The following FLT4 variants were observed in gnomAD, a reference collection of about 807,000 sequenced individuals.
FLT4 encodes fms related receptor tyrosine kinase 4.
A neutral mutation model predicts 163.2 loss-of-function variants in FLT4; 30 were observed. That is an observed-to-expected ratio of 0.18 (90% confidence interval 0.14 to 0.25). The LOEUF (loss-of-function observed/expected upper bound fraction) is 0.25, where lower values mean the gene tolerates loss of function less well. Among genes scored for constraint, FLT4 ranks in the 10% least tolerant of loss-of-function variants. The pLI is 1.00. For synonymous variants in FLT4, 884 were observed against 789.5 expected, an observed-to-expected ratio of 1.12 and a Z score of -2.01; for missense variants, 1,510 against 1,863.8, an observed-to-expected ratio of 0.81 and a Z score of 3.50.
intron 26 of FLT4, among the ~76,000 whole-genome samples, chr5:180,611,904 A>G (rs1439615184): frequency 6.6e-6 from 1 of 152,108 alleles, no homozygotes; most frequent in African/African-American, 2.4e-5. Context: ...TCCCTCCTCC[A>G]GTCCCTAGCT....
chr5:180,643,482 A>G (rs1410808401), intron 1 of FLT4, among the ~76,000 whole-genome samples: 5 of 151,494 alleles, frequency 3.3e-5, no homozygotes, highest in African/African-American at 9.7e-5. Flanking sequence ...GCCAGCCTCA[A>G]TGGCTCTCCC....
chr5:180,627,227 G>T (rs565553931), intron 8 of FLT4, among the ~76,000 whole-genome samples: 2 of 152,198 alleles, frequency 1.3e-5, no homozygotes, highest in Non-Finnish European at 2.9e-5. Flanking sequence ...TCCTGGGAGA[G>T]GCACAGCCCT....
intron 1 of FLT4, among the ~76,000 whole-genome samples, chr5:180,649,080 G>A (rs1765623391): frequency 6.6e-6 from 1 of 151,778 alleles, no homozygotes. Context: ...GCCCGGCCGG[G>A]ATGGATCTCC....
Position 180,629,452 on chromosome 5 carries a change from C to A in FLT4, c.817-25G>T, listed in dbSNP as rs202119145. On this transcript the variant is annotated intron_variant, in intron 6 of 29. Transcript: ENST00000261937. ...CCTGCCCGCACCCAGGGAAGCCCCG[C>A]GTCAGCAGGCGGGCTCCTGCACAGC... is the stretch of plus-strand genomic sequence containing the variant. 1.9e-6 allele frequency: 3 copies of A among 1,608,524 alleles called. No homozygotes were observed. In the Admixed American group the frequency reaches 5.0e-5, roughly 27 times the overall value.
At position 180,630,040 on chromosome 5, in the gene FLT4, C is replaced by T. The variant is rs756771928; in HGVS notation, c.579G>A (p.Val193=). 2 of 1,612,786 alleles carry T rather than the reference C, an allele frequency of 1.2e-6. No homozygotes were observed. Among genetic ancestry groups the T allele is most frequent in the Non-Finnish European group, 1.7e-6 (2 of 1,180,004 alleles). ...VVWDDRRGML[V]STPLLHDALY... is the part of the protein sequence containing the mutation. ...GGGCATCGTGCAGCAGTGGCGTGGA[C>T]ACGAGCATGCCCCGCCGGTCATCCC... Residue 193 remains valine (V), a synonymous_variant, in exon 5 of 30, where the codon GTG becomes GTA. Coordinates refer to ENST00000261937, the MANE Select transcript of FLT4 (RefSeq NM_182925.5). The surrounding 1 kb of genome is among the most constrained non-coding windows in gnomAD (Gnocchi z 6.3).
chr5:180,611,102 A>G (rs1762154287), intron 27 of FLT4, among the ~76,000 whole-genome samples: 1 of 152,182 alleles, frequency 6.6e-6, no homozygotes, highest in Non-Finnish European at 1.5e-5. Context: ...TGTTGGGGTG[A>G]GGGGACACTG....
chr5:180,622,927 C>CCT (rs1554113587), intron 11 of FLT4, 88 bp from the exon 12 acceptor site: 3 of 555,934 alleles, frequency 5.4e-6, no homozygotes, highest in Non-Finnish European at 8.7e-6. Context: ...CGCTGTGCAC[C>CCT]ACCCCCCCCA....
intron 29 of FLT4, chr5:180,607,961 T>C (rs965990939): frequency 1.6e-6 from 1 of 617,648 alleles, no homozygotes; most frequent in Non-Finnish European, 2.9e-6. Context: ...GGAAGGCACC[T>C]GTTACTCAGC....
At chr5:180,605,958 G>A (rs1026839294) in intron 29 of FLT4, among the ~76,000 whole-genome samples, 2 of 152,210 alleles carry the variant, frequency 1.3e-5, no homozygotes, top group African/African-American at 4.8e-5. Flanking sequence ...TGGTTAACAG[G>A]AGACAGCGAA....
intron 8 of FLT4, 152 bp downstream of exon 8, chr5:180,628,730 C>CT (rs1763840628): frequency 6.2e-6 from 4 of 647,564 alleles, no homozygotes; most frequent in Non-Finnish European, 5.5e-6. Context: ...GGGCGGGTTC[C>CT]TTGGGGGGTC....
chr5:180,648,974 G>T (rs886555850), intron 1 of FLT4, among the ~76,000 whole-genome samples: 13 of 152,152 alleles, frequency 8.5e-5, no homozygotes, highest in African/African-American at 3.1e-4. Flanking sequence ...CGCCGTCGCC[G>T]GCCACGGGGA....
At position 180,640,588 on chromosome 5, in the gene FLT4, G is replaced by C. The variant is rs369209480; in HGVS notation, c.59-8810C>G. ...TCCATCTGGCTTCATGCCCTAGTTGGCTGAGGGCAAAGCCCTTTAAGCTAA... is the reference window on the plus strand; with the variant it reads ...TCCATCTGGCTTCATGCCCTAGTTGCCTGAGGGCAAAGCCCTTTAAGCTAA... On this transcript the variant is annotated intron_variant, in intron 1 of 29. Coordinates refer to ENST00000261937, the MANE Select transcript of FLT4 (RefSeq NM_182925.5). 3.9e-5 allele frequency among the ~76,000 whole-genome samples: 6 copies of C among 152,366 alleles called. No individual in the cohort carries two copies. In the East Asian group the frequency reaches 9.7e-4, roughly 25 times the overall value.
upstream of FLT4, chr5:180,649,626 G>A: frequency 5.6e-6 from 3 of 531,492 alleles, no homozygotes; most frequent in Non-Finnish European, 7.7e-6. Flanking sequence ...GGCTGGCCTG[G>A]GGCGGGGCGG....
At chr5:180,649,391 T>C in intron 1 of FLT4, 97 bp downstream of exon 1, 2 of 880,628 alleles carry the variant, frequency 2.3e-6, no homozygotes, top group Non-Finnish European at 3.2e-6. Context: ...CCCCCGCCCG[T>C]ACCCGGCGGA....
intron 1 of FLT4, among the ~76,000 whole-genome samples, chr5:180,648,819 C>T (rs1417321610): frequency 6.6e-6 from 1 of 152,218 alleles, no homozygotes; most frequent in Non-Finnish European, 1.5e-5. Context: ...AGGCCCCTGT[C>T]CCCTCAAATC....
chr5:180,642,319 G>A (rs537088572), intron 1 of FLT4, among the ~76,000 whole-genome samples: 59 of 152,248 alleles, frequency 3.9e-4, no homozygotes, highest in African/African-American at 1.4e-3. Context: ...CTGTGACCCT[G>A]TGTTGTCGTC....
At chr5:180,609,143 C>A in intron 28 of FLT4, 90 bp from the exon 29 acceptor site, 1 of 1,074,822 alleles carries the variant, frequency 9.3e-7, no homozygotes. Context: ...CGGCATGGTC[C>A]TGCAGCGCGG....
chr5:180,611,607 C>T, intron 26 of FLT4, 128 bp from the exon 27 acceptor site: 3 of 997,078 alleles, frequency 3.0e-6, no homozygotes, highest in South Asian at 3.0e-5. Flanking sequence ...CCCCCGCACT[C>T]AGCTCTCGCC....
chr5:180,620,176 G>A lies in FLT4; in HGVS notation c.2539C>T (p.Leu847=). 6.2e-7 allele frequency: 1 copy of A among 1,606,614 alleles called. No individual in the cohort carries two copies. Among genetic ancestry groups the A allele is most frequent in the Non-Finnish European group, 8.5e-7 (1 of 1,179,586 alleles). Residue 847 remains leucine, a synonymous_variant, in exon 17 of 30, where the codon CTG becomes TTG. Transcript: ENST00000261937. This position sits in a 1 kb window ranked among gnomAD's most constrained non-coding sequence, Gnocchi z 4.4. ...GGCAGGCTGGTGCTGGCCTCACCCA[G>A]GTGCAGCCGCTCTCGGGGGAATTCC... ...QWEFPRERLH[L]GRVLGYGAFG... is the part of the protein sequence containing the mutation.
Sources: gnomAD v4.1 joint callset for allele counts (sites outside exome capture counted in the v4.1 genomes callset) on GRCh38, gnomAD v4.1.1 for gene constraint, Gnocchi (gnomAD v3.1) non-coding constraint, MANE v1.5 for transcripts, NCBI Gene and HGNC (gene_info 2026-07-23, HGNC 2026-07-21) for gene names.